The following TRA2A variants were observed in gnomAD, a reference collection of about 807,000 sequenced individuals.
The protein encoded by TRA2A is transformer 2 alpha homolog, also known as transformer-2 protein homolog alpha.
In TRA2A, 31 loss-of-function variants were observed where a neutral mutation model predicts 45.7. The observed-to-expected ratio is 0.68, with a 90% CI of 0.51 to 0.92. TRA2A has a LOEUF of 0.92. Among genes scored for constraint, TRA2A ranks in the 40% least tolerant of loss-of-function variants. TRA2A has a pLI of 0.00. For missense variants in TRA2A, 304 were observed against 367.5 expected, an observed-to-expected ratio of 0.83 and a Z score of 1.41; for synonymous variants, 132 against 126.2, an observed-to-expected ratio of 1.05 and a Z score of -0.31.
At chr7:23,516,327 A>G in intron 3 of TRA2A, 36 bp downstream of exon 3, 2 of 1,610,600 alleles carry the variant, frequency 1.2e-6, no homozygotes, top group Non-Finnish European at 1.7e-6. Context: ...CATAAAAGAG[A>G]AAATAAGTCT....
intron 2 of TRA2A, among the ~76,000 whole-genome samples, chr7:23,521,462 A>T (rs1339418434): frequency 2.0e-5 from 3 of 152,140 alleles, no homozygotes; most frequent in Non-Finnish European, 4.4e-5. Context: ...ATTTTTTCAG[A>T]GATAGGGTCT....
At chr7:23,516,673 A>T (rs771798166) in intron 2 of TRA2A, 145 bp from the exon 3 acceptor site, 3 of 653,234 alleles carry the variant, frequency 4.6e-6, no homozygotes, top group Admixed American at 5.7e-5. Context: ...CCTTTGGTTC[A>T]CTTAAGTCAC....
intron 2 of TRA2A, among the ~76,000 whole-genome samples, chr7:23,519,892 A>G (rs1420954351): frequency 2.6e-5 from 4 of 152,234 alleles, no homozygotes; most frequent in Non-Finnish European, 4.4e-5. Flanking sequence ...CTTAATTTAA[A>G]ACATCAATTA....
At chr7:23,519,287 G>A (rs1015653135) in intron 2 of TRA2A, among the ~76,000 whole-genome samples, 4 of 151,976 alleles carry the variant, frequency 2.6e-5, no homozygotes, top group Admixed American at 1.3e-4. Context: ...CCAGCTACTC[G>A]GGAGGCTGAG....
intron 2 of TRA2A, 21 bp downstream of exon 2, chr7:23,521,686 T>C: frequency 6.2e-7 from 1 of 1,612,646 alleles, no homozygotes; most frequent in Non-Finnish European, 8.5e-7. Context: ...ATATTTTAAG[T>C]ATTATCTTAA....
At chr7:23,517,445 TCCAGCCTGGG>T (rs1789925451) in intron 2 of TRA2A, among the ~76,000 whole-genome samples, 1 of 111,108 alleles carries the variant, frequency 9.0e-6, no homozygotes, top group Non-Finnish European at 1.7e-5. Flanking sequence ...GCCACCGTAC[TCCAGCCTGGG>T]CGACAGAGCA....
At chr7:23,512,757 C>G in intron 4 of TRA2A, 137 bp downstream of exon 4, 2 of 741,164 alleles carry the variant, frequency 2.7e-6, no homozygotes, top group South Asian at 2.4e-5. Context: ...CGCGCCTGGA[C>G]GCAAGATCCT....
At chr7:23,517,476 TCAAAAA>T (rs1789929558) in intron 2 of TRA2A, among the ~76,000 whole-genome samples, 1 of 4,464 alleles carries the variant, frequency 2.2e-4, no homozygotes, top group Admixed American at 3.3e-3. Flanking sequence ...AGACTACGTC[TCAAAAA>T]AAAAAAAAAA....
chr7:23,524,192 T>G (rs2127999490), intron 1 of TRA2A, among the ~76,000 whole-genome samples: 1 of 152,312 alleles, frequency 6.6e-6, no homozygotes, highest in South Asian at 2.1e-4. Context: ...GTTAGCTTAT[T>G]TATTTTAAGA....
chr7:23,513,569 G>A (rs1365929585), intron 3 of TRA2A, among the ~76,000 whole-genome samples: 3 of 151,962 alleles, frequency 2.0e-5, no homozygotes, highest in Non-Finnish European at 4.4e-5. Flanking sequence ...AGTGAGCCAA[G>A]ATCGAGCCAT....
At chr7:23,508,932 TGTCTCTTTG>T (rs1330996458) in intron 4 of TRA2A, among the ~76,000 whole-genome samples, 1 of 152,206 alleles carries the variant, frequency 6.6e-6, no homozygotes, top group African/African-American at 2.4e-5. Flanking sequence ...AGATAAGAGT[TGTCTCTTTG>T]GTCTCTTTGA....
intron 1 of TRA2A, among the ~76,000 whole-genome samples, chr7:23,524,893 T>C (rs1790278666): frequency 6.6e-6 from 1 of 152,170 alleles, no homozygotes; most frequent in Middle Eastern, 3.4e-3. Flanking sequence ...GGTTTCCCTA[T>C]GTTGGCCAGG....
chr7:23,516,982 C>T (rs1789903249), intron 2 of TRA2A, among the ~76,000 whole-genome samples: 11 of 152,030 alleles, frequency 7.2e-5, no homozygotes, highest in Admixed American at 7.2e-4. Flanking sequence ...GTGGCAGGCA[C>T]CTGTAATTCC....
chr7:23,506,098 T>C (rs776766213), intron 6 of TRA2A, 40 bp downstream of exon 6: 2 of 1,539,790 alleles, frequency 1.3e-6, no homozygotes, highest in Non-Finnish European at 1.8e-6. Context: ...AACACTACTA[T>C]CATCTAATTT....
At chr7:23,511,281 G>C (rs756512528) in intron 4 of TRA2A, among the ~76,000 whole-genome samples, 28 of 148,886 alleles carry the variant, frequency 1.9e-4, no homozygotes, top group Non-Finnish European at 3.1e-4. Flanking sequence ...TGAGGCAGGA[G>C]AATGGCATGA....
chr7:23,515,357 G>A (rs1192347499), intron 3 of TRA2A, among the ~76,000 whole-genome samples: 3 of 150,806 alleles, frequency 2.0e-5, no homozygotes, highest in Non-Finnish European at 4.4e-5. Flanking sequence ...AGCCTCCGGA[G>A]TAGCTGGGAC....
At chr7:23,531,583 T>C in intron 1 of TRA2A, 1 of 609,034 alleles carries the variant, frequency 1.6e-6, no homozygotes, top group Non-Finnish European at 2.9e-6. Context: ...TCAGTCAGCC[T>C]CCAAAAAAGG....
At chr7:23,513,573 G>A (rs568968432) in intron 3 of TRA2A, among the ~76,000 whole-genome samples, 45 of 152,070 alleles carry the variant, frequency 3.0e-4, no homozygotes, top group Non-Finnish European at 5.1e-4. Flanking sequence ...AGCCAAGATC[G>A]AGCCATTGCA....
chr7:23,513,795 A>G (rs1227207626), intron 3 of TRA2A, among the ~76,000 whole-genome samples: 1 of 151,996 alleles, frequency 6.6e-6, no homozygotes, highest in Non-Finnish European at 1.5e-5. Context: ...TCTGTTTTTT[A>G]TTGGCTGGAA....
Sources: allele counts gnomAD v4.1 joint callset (sites outside exome capture counted in the v4.1 genomes callset), GRCh38; gene constraint gnomAD v4.1.1; transcripts MANE v1.5; gene names NCBI Gene and HGNC (gene_info 2026-07-23, HGNC 2026-07-21).